Variants in AGPS observed in about 807,000 individuals in gnomAD.
AGPS encodes the protein alkylglycerone phosphate synthase.
In AGPS, 26 loss-of-function variants were observed where a neutral mutation model predicts 90.7. That is an observed-to-expected ratio of 0.29 (90% confidence interval 0.21 to 0.40). AGPS has a LOEUF of 0.40. AGPS is among the 10% of genes least tolerant of loss of function. The pLI is 1.00. For missense variants in AGPS, 540 were observed against 816.1 expected (o/e 0.66, Z 4.12); for synonymous variants, 294 against 285.3 (o/e 1.03, Z -0.31).
chr2:177,412,718 C>G (rs1298403587), intron 1 of AGPS, among the ~76,000 whole-genome samples: 4 of 152,130 alleles, frequency 2.6e-5, no homozygotes, highest in African/African-American at 4.8e-5. Flanking sequence ...GGCAGCAAGC[C>G]TCTTGTTCTC....
intron 8 of AGPS, among the ~76,000 whole-genome samples, chr2:177,452,933 A>G (rs1016437570): frequency 6.6e-6 from 1 of 152,038 alleles, no homozygotes; most frequent in Non-Finnish European, 1.5e-5. Context: ...TTTAAATAAT[A>G]TGAAAGCATC....
intron 16 of AGPS, among the ~76,000 whole-genome samples, chr2:177,510,945 C>G (rs898316777): frequency 6.6e-6 from 1 of 152,102 alleles, no homozygotes. Flanking sequence ...AGTGTCCCAT[C>G]CTATTGTGTT....
chr2:177,456,567 G>A (rs1454618066), intron 8 of AGPS, among the ~76,000 whole-genome samples: 1 of 152,144 alleles, frequency 6.6e-6, no homozygotes, highest in African/African-American at 2.4e-5. Flanking sequence ...ATTTAAATTG[G>A]TGTGGTAGAG....
chr2:177,537,469 CAGT>C lies in AGPS; in HGVS notation c.1856-602_1856-600del, dbSNP rs903478464. Among the ~76,000 whole-genome samples, 91 of 152,016 alleles carry C rather than the reference CAGT, an allele frequency of 6.0e-4. No homozygotes were observed. The Middle Eastern group carries it at 0.01, about 17-fold the overall frequency. On this transcript the variant is annotated intron_variant, in intron 19 of 19. Coordinates refer to ENST00000264167, the MANE Select transcript of AGPS (RefSeq NM_003659.4). ...GAAAAAAATTCTAAATCTGGAAAAA[CAGT>C]AGGAAGAAAGTAACCATTATTTGGG...
chr2:177,447,523 C>T (rs558392739), intron 8 of AGPS, among the ~76,000 whole-genome samples: 16 of 151,702 alleles, frequency 1.1e-4, no homozygotes, highest in African/African-American at 3.9e-4. Context: ...TTTTTTATAA[C>T]AAAGAATGGC....
intron 2 of AGPS, among the ~76,000 whole-genome samples, chr2:177,433,774 G>GC (rs1553509189): frequency 6.6e-6 from 1 of 151,164 alleles, no homozygotes; most frequent in Admixed American, 6.6e-5. Context: ...TGCCTGTCCA[G>GC]TTTTTTTTTA....
chr2:177,498,045 G>T (rs1574011571), intron 13 of AGPS, among the ~76,000 whole-genome samples: 1 of 151,610 alleles, frequency 6.6e-6, no homozygotes, highest in Non-Finnish European at 1.5e-5. Flanking sequence ...TTTATGGAAG[G>T]TATCCATAAA....
intron 1 of AGPS, among the ~76,000 whole-genome samples, chr2:177,395,792 T>A (rs1685156573): frequency 6.6e-6 from 1 of 152,274 alleles, no homozygotes; most frequent in African/African-American, 2.4e-5. Flanking sequence ...ATCACATGGT[T>A]GTTTTATCAC....
At chr2:177,393,420 G>A in intron 1 of AGPS, 3 of 985,316 alleles carry the variant, frequency 3.0e-6, no homozygotes, top group Non-Finnish European at 3.6e-6. Context: ...ATTTTTCTCC[G>A]AGGAGATATA....
intron 13 of AGPS, among the ~76,000 whole-genome samples, chr2:177,498,904 C>T (rs1349419036): frequency 6.6e-6 from 1 of 151,316 alleles, no homozygotes. Context: ...TCTATTTTTC[C>T]CTCTTGCTAT....
intron 1 of AGPS, among the ~76,000 whole-genome samples, chr2:177,396,456 A>G (rs1685176898): frequency 6.6e-6 from 1 of 152,206 alleles, no homozygotes; most frequent in African/African-American, 2.4e-5. Context: ...AATATAAAGA[A>G]AAATGAAGCA....
At chr2:177,434,535 A>C in intron 3 of AGPS, 118 bp downstream of exon 3, 2 of 797,426 alleles carry the variant, frequency 2.5e-6, no homozygotes, top group South Asian at 3.3e-5. Flanking sequence ...GTTTTTTGTT[A>C]TAAAGCCTAT....
intron 10 of AGPS, among the ~76,000 whole-genome samples, chr2:177,469,060 A>T (rs943583539): frequency 6.6e-6 from 1 of 152,102 alleles, no homozygotes; most frequent in Non-Finnish European, 1.5e-5. Context: ...ATTTGAATGT[A>T]GTTCATCTCG....
intron 17 of AGPS, among the ~76,000 whole-genome samples, chr2:177,515,055 G>C (rs4243389): frequency 0.84 from 125,251 of 148,866 alleles, 52,882 homozygotes; most frequent in East Asian, 0.95. Context: ...GATATCTGAA[G>C]GAAAGGCAAA....
In AGPS at chr2:177,539,908, T is replaced by C. The variant is rs982565057; in HGVS notation, c.*1713T>C. The C allele has an allele frequency of 6.9e-6, 1 of 143,964 alleles. No homozygotes were observed. Among genetic ancestry groups the C allele is most frequent in the Non-Finnish European group, 1.5e-5 (1 of 67,764 alleles). 8.9% of individuals were successfully genotyped at this position (143,964 alleles called of 1,614,324 possible). On this transcript the variant is annotated 3_prime_UTR_variant, in exon 20 of 20. Transcript: ENST00000264167. Reference sequence around the variant, plus strand: ...TTGATATTTGACCTAGTTGGACACTTGATGAGGAAGTTGCCTCTAGAATTA... The same window carrying C: ...TTGATATTTGACCTAGTTGGACACTCGATGAGGAAGTTGCCTCTAGAATTA...
rs1253652659 is a variant in AGPS, at chr2:177,423,015, G to C, written c.350+2657G>C. 5.2e-5 allele frequency among the ~76,000 whole-genome samples: 2 copies of C among 38,700 alleles called. 1 individual carries two copies. Among genetic ancestry groups the C allele is most frequent in the Non-Finnish European group, 1.4e-4 (2 of 14,810 alleles). The allele number at this position is 38,700 out of a possible 152,430, so 25.4% of individuals were successfully genotyped here. On this transcript the variant is annotated intron_variant, in intron 2 of 19. Transcript: ENST00000264167. Reference sequence around the variant, plus strand: ...GCTTACCTGAAGTCACCTGCATAGTGGTAAATTGGGATTAAAAACCAGGTG... The same window carrying C: ...GCTTACCTGAAGTCACCTGCATAGTCGTAAATTGGGATTAAAAACCAGGTG...
intron 16 of AGPS, among the ~76,000 whole-genome samples, chr2:177,513,609 A>G (rs1688941216): frequency 6.6e-6 from 1 of 152,168 alleles, no homozygotes; most frequent in African/African-American, 2.4e-5. Flanking sequence ...CCTTAAGTCA[A>G]AAAAAGAAAA....
intron 7 of AGPS, among the ~76,000 whole-genome samples, chr2:177,442,773 G>T (rs1686646193): frequency 6.7e-6 from 1 of 148,552 alleles, no homozygotes; most frequent in Non-Finnish European, 1.5e-5. Context: ...CTTGAACCCA[G>T]GAGGTGGAGG....
Position 177,420,573 on chromosome 2 carries a change from A to G in AGPS, c.350+215A>G, listed in dbSNP as rs189359754. On this transcript the variant is annotated intron_variant, in intron 2 of 19. Transcript: ENST00000264167. ...ATTTGTGTGTGTGTATATATATATT[A>G]TATGTCTTAAAAAATAAGGACCTAA... 3.1e-3 allele frequency among the ~76,000 whole-genome samples: 473 copies of G among 151,672 alleles called. 3 individuals carry two copies. Among genetic ancestry groups the G allele is most frequent in the African/African-American group, 0.011 (457 of 41,444 alleles).
Sources: gnomAD v4.1 joint callset for allele counts (sites outside exome capture counted in the v4.1 genomes callset) on GRCh38, gnomAD v4.1.1 for gene constraint, MANE v1.5 for transcripts, NCBI Gene and HGNC (gene_info 2026-07-23, HGNC 2026-07-21) for gene names.